The following ALK variants were observed in gnomAD, a reference collection of about 807,000 sequenced individuals.
ALK encodes the protein ALK tyrosine kinase receptor.
In ALK, 74 loss-of-function variants were observed where a neutral mutation model predicts 163.1. That is an observed-to-expected ratio of 0.45 (90% CI 0.38 to 0.55). ALK has a LOEUF of 0.55. Ranked by LOEUF, ALK falls within the 20% of genes least tolerant of loss-of-function variation. The pLI is 0.00. For synonymous variants in ALK, 960 were observed against 843.2 expected (o/e 1.14, Z -2.40); for missense variants, 2,063 against 2,105.3 (o/e 0.98, Z 0.39).
chr2:29,672,225 T>TACAG, intron 3 of ALK, among the ~76,000 whole-genome samples: 1 of 152,008 alleles, frequency 6.6e-6, no homozygotes, highest in South Asian at 2.1e-4. Context: ...GTGCACATTG[T>TACAG]GCAGGTTAGT....
intron 6 of ALK, among the ~76,000 whole-genome samples, chr2:29,327,568 G>A (rs1667305794): frequency 6.6e-6 from 1 of 152,174 alleles, no homozygotes; most frequent in African/African-American, 2.4e-5. Context: ...AGGGGGTTTG[G>A]AGCAAAATGG....
intron 9 of ALK, among the ~76,000 whole-genome samples, chr2:29,277,111 C>T (rs1665568065): frequency 6.6e-6 from 1 of 152,116 alleles, no homozygotes. Context: ...GCACTGGCAA[C>T]ATGGAGAGAA....
rs1261876972 is a variant in ALK, at chr2:29,193,062, T to TC, written c.*161dup. ...AGGATGAACCCATGCTCAAAACCTT[T>TC]CTAAAGCATTTTCAAAATACAGCTT... On this transcript the variant is annotated 3_prime_UTR_variant, in exon 29 of 29. Coordinates refer to ENST00000389048, the MANE Select transcript of ALK (RefSeq NM_004304.5). 9.0e-6 allele frequency: 7 copies of TC among 778,208 alleles called. No individual in the cohort carries two copies. In the African/African-American group the frequency reaches 1.2e-4, roughly 13 times the overall value. The allele number at this position is 778,208 out of a possible 1,614,324, so 48.2% of individuals were successfully genotyped here.
At chr2:29,522,480 C>A (rs1215329008) in intron 4 of ALK, among the ~76,000 whole-genome samples, 1 of 152,132 alleles carries the variant, frequency 6.6e-6, no homozygotes, top group Admixed American at 6.5e-5. Context: ...CCGTCCCCAG[C>A]CAGCAGCCTC....
intron 8 of ALK, among the ~76,000 whole-genome samples, chr2:29,311,307 G>T (rs1326025577): frequency 6.6e-6 from 1 of 152,258 alleles, no homozygotes; most frequent in South Asian, 2.1e-4. Flanking sequence ...TCCTAAAGGT[G>T]GGGAGGCCTT....
intron 1 of ALK, among the ~76,000 whole-genome samples, chr2:29,862,203 A>G (rs1666313489): frequency 6.6e-6 from 1 of 152,220 alleles, no homozygotes; most frequent in African/African-American, 2.4e-5. Context: ...TTTTCCTTTA[A>G]GATCAGGAAC....
intron 1 of ALK, among the ~76,000 whole-genome samples, chr2:29,733,042 T>G (rs1679789330): frequency 6.6e-6 from 1 of 152,072 alleles, no homozygotes; most frequent in African/African-American, 2.4e-5. Context: ...GAAGCAGCCT[T>G]CCAGGGGGTT....
intron 1 of ALK, among the ~76,000 whole-genome samples, chr2:29,743,178 T>C (rs1433404206): frequency 6.6e-6 from 1 of 152,218 alleles, no homozygotes; most frequent in Non-Finnish European, 1.5e-5. Flanking sequence ...AATCCATTTT[T>C]CCATATTGAT....
intron 4 of ALK, among the ~76,000 whole-genome samples, chr2:29,439,448 G>T (rs6715932): frequency 6.6e-6 from 1 of 152,108 alleles, no homozygotes; most frequent in Non-Finnish European, 1.5e-5. Context: ...AATTCAATGC[G>T]ATGGAAGGTG....
chr2:29,745,309 ACT>A (rs1393185119), intron 1 of ALK, among the ~76,000 whole-genome samples: 1 of 152,094 alleles, frequency 6.6e-6, no homozygotes, highest in Admixed American at 6.5e-5. Flanking sequence ...CTGAAGGCTC[ACT>A]CTCTTTTCAT....
At chr2:29,868,881 T>A (rs951563174) in intron 1 of ALK, among the ~76,000 whole-genome samples, 4 of 152,194 alleles carry the variant, frequency 2.6e-5, no homozygotes, top group Non-Finnish European at 5.9e-5. Context: ...GTAAACCTTC[T>A]ACCTGGTTCT....
chr2:29,893,370 T>A (rs531026998), intron 1 of ALK, among the ~76,000 whole-genome samples: 1 of 152,200 alleles, frequency 6.6e-6, no homozygotes, highest in Non-Finnish European at 1.5e-5. Flanking sequence ...AGCCTCAATA[T>A]CATTTTATAT....
At chr2:29,652,206 A>G (rs1677057042) in intron 3 of ALK, among the ~76,000 whole-genome samples, 1 of 152,062 alleles carries the variant, frequency 6.6e-6, no homozygotes, top group Non-Finnish European at 1.5e-5. Context: ...TTATCTTTTT[A>G]GTCCACAGAT....
At chr2:29,852,071 CTCA>C (rs1339145307) in intron 1 of ALK, among the ~76,000 whole-genome samples, 2 of 152,184 alleles carry the variant, frequency 1.3e-5, no homozygotes, top group African/African-American at 2.4e-5. Flanking sequence ...GGAACAAAAA[CTCA>C]TCGATTTTTC....
At chr2:29,200,814 TATAC>T (rs1337125096) in intron 26 of ALK, among the ~76,000 whole-genome samples, 18 of 114,608 alleles carry the variant, frequency 1.6e-4, no homozygotes, top group South Asian at 1.5e-3. Flanking sequence ...TATGTGTGTA[TATAC>T]ATATATACGT....
chr2:29,730,662 T>C (rs528175789), intron 1 of ALK, among the ~76,000 whole-genome samples: 107 of 152,222 alleles, frequency 7.0e-4, no homozygotes, highest in Non-Finnish European at 1.3e-3. Context: ...CTCACCTTTT[T>C]TCATATCATG....
intron 4 of ALK, among the ~76,000 whole-genome samples, chr2:29,487,543 T>A (rs1265826672): frequency 6.6e-6 from 1 of 152,160 alleles, no homozygotes; most frequent in Non-Finnish European, 1.5e-5. Context: ...ACCCAAAGCA[T>A]CAGATTCAAG....
At chr2:29,597,111 G>C (rs1675238188) in intron 3 of ALK, among the ~76,000 whole-genome samples, 1 of 152,206 alleles carries the variant, frequency 6.6e-6, no homozygotes, top group Non-Finnish European at 1.5e-5. Flanking sequence ...CTGAGAATAA[G>C]ACAAAGGCAA....
intron 4 of ALK, among the ~76,000 whole-genome samples, chr2:29,442,821 G>A (rs1349027792): frequency 6.6e-6 from 1 of 152,128 alleles, no homozygotes. Flanking sequence ...TAAGTTTCTG[G>A]GTTTCAATTT....
Sources: allele counts gnomAD v4.1 joint callset (sites outside exome capture counted in the v4.1 genomes callset), GRCh38; gene constraint gnomAD v4.1.1; transcripts MANE v1.5; gene names NCBI Gene and HGNC (gene_info 2026-07-23, HGNC 2026-07-21).